Variants in ZNF157 observed in about 807,000 individuals in gnomAD.
The protein encoded by ZNF157 is zinc finger protein 22.
ZNF157 carries 8 observed loss-of-function variants against 9.4 expected under a neutral mutation model. The observed-to-expected ratio is 0.85, with a 90% CI of 0.50 to 1.53. The LOEUF (loss-of-function observed/expected upper bound fraction) is 1.53, where lower values mean the gene tolerates loss of function less well. Among genes scored for constraint, ZNF157 ranks in the 40% most tolerant of loss-of-function variants. The pLI is 0.00. For missense variants in ZNF157, 316 were observed against 385.2 expected (o/e 0.82, Z 1.50); for synonymous variants, 120 against 130.8 (o/e 0.92, Z 0.56).
At chrX:47,377,103 C>G (rs911765180) in intron 1 of ZNF157, among the ~76,000 whole-genome samples, 3 of 110,851 alleles carry the variant, frequency 2.7e-5, no homozygotes, top group Admixed American at 9.7e-5. Context: ...GATAAATTGG[C>G]TCATCTGATC....
chrX:47,392,689 T>A (rs1175975750), intron 1 of ZNF157, among the ~76,000 whole-genome samples: 2 of 111,913 alleles, frequency 1.8e-5, no homozygotes, highest in African/African-American at 6.5e-5. Context: ...TGCCTGTGGA[T>A]CTGTGAAACT....
chrX:47,405,591 G>T (rs188944393), intron 1 of ZNF157, among the ~76,000 whole-genome samples: 1 of 111,661 alleles, frequency 9.0e-6, no homozygotes, highest in East Asian at 2.8e-4. Flanking sequence ...CCTTTTGCAT[G>T]ACTGTGTTTT....
In ZNF157 at chrX:47,410,419, G is replaced by A. The variant is rs760262737; in HGVS notation, c.199+17G>A. 23 of 1,208,427 alleles carry A rather than the reference G, an allele frequency of 1.9e-5. No homozygotes were observed. Among genetic ancestry groups the A allele is most frequent in the East Asian group, 5.9e-5 (2 of 33,790 alleles). On this transcript the variant is annotated intron_variant, in intron 2 of 3. Coordinates refer to ENST00000377073, the MANE Select transcript of ZNF157 (RefSeq NM_003446.4). ...CATCTGTGGGTGAGGATGATTGTCCGTGTAACTCCTGAGAGCGTGTGTTTC... is the reference window on the plus strand; with the variant it reads ...CATCTGTGGGTGAGGATGATTGTCCATGTAACTCCTGAGAGCGTGTGTTTC...
chrX:47,380,279 A>C (rs1221948956), intron 1 of ZNF157, among the ~76,000 whole-genome samples: 1 of 110,868 alleles, frequency 9.0e-6, no homozygotes, highest in Non-Finnish European at 1.9e-5. Flanking sequence ...AAAGTTTATT[A>C]AAAAGCTTTA....
intron 1 of ZNF157, among the ~76,000 whole-genome samples, chrX:47,383,371 C>CAAA (rs35133137): frequency 0.14 from 2,644 of 18,806 alleles, 650 homozygotes; most frequent in Non-Finnish European, 0.32. Context: ...GACTCAGTCT[C>CAAA]AAAAAAAAAA....
intron 1 of ZNF157, among the ~76,000 whole-genome samples, chrX:47,409,951 C>A (rs189833828): frequency 1.3e-4 from 14 of 111,914 alleles, no homozygotes; most frequent in African/African-American, 3.9e-4. Context: ...GCCCAGCCTC[C>A]TTCTTCATTT....
chrX:47,384,152 C>T (rs1424060214), intron 1 of ZNF157, among the ~76,000 whole-genome samples: 1 of 110,086 alleles, frequency 9.1e-6, no homozygotes, highest in Non-Finnish European at 1.9e-5. Context: ...GTGACATGTG[C>T]CTGTACTCCC....
intron 1 of ZNF157, among the ~76,000 whole-genome samples, chrX:47,389,677 G>T: frequency 9.0e-6 from 1 of 111,605 alleles, no homozygotes; most frequent in South Asian, 3.7e-4. Context: ...GAGGTGGGTG[G>T]ATCACTTGAG....
intron 1 of ZNF157, among the ~76,000 whole-genome samples, chrX:47,380,448 G>T (rs1460996862): frequency 9.0e-6 from 1 of 111,662 alleles, no homozygotes; most frequent in Non-Finnish European, 1.9e-5. Context: ...GTCCGCATGT[G>T]CTGTGGCTTG....
chrX:47,374,172 A>G (rs954161988), intron 1 of ZNF157, among the ~76,000 whole-genome samples: 7 of 110,492 alleles, frequency 6.3e-5, no homozygotes, highest in African/African-American at 9.9e-5. Flanking sequence ...ATAGTGTCAG[A>G]ATGGAATTGA....
intron 1 of ZNF157, among the ~76,000 whole-genome samples, chrX:47,386,908 A>G (rs1189401965): frequency 8.9e-6 from 1 of 112,066 alleles, no homozygotes; most frequent in Non-Finnish European, 1.9e-5. Flanking sequence ...TTTAGAAAGT[A>G]GGCATGCCTG....
intron 1 of ZNF157, among the ~76,000 whole-genome samples, chrX:47,379,704 A>G (rs1408231313): frequency 3.0e-5 from 3 of 99,976 alleles, no homozygotes; most frequent in Non-Finnish European, 4.0e-5. Flanking sequence ...TGTGAAACAT[A>G]TAAGGACTGT....
At chrX:47,407,201 G>A (rs1273300910) in intron 1 of ZNF157, among the ~76,000 whole-genome samples, 1 of 112,250 alleles carries the variant, frequency 8.9e-6, no homozygotes, top group African/African-American at 3.2e-5. Context: ...AACACCAACT[G>A]ATCATGCTAT....
chrX:47,412,549 A>G lies in ZNF157; in HGVS notation c.476A>G (p.Asp159Gly). 8.2e-7 allele frequency: 1 copy of G among 1,212,239 alleles called. No homozygotes were observed. Among genetic ancestry groups the G allele is most frequent in the East Asian group, 3.0e-5 (1 of 33,871 alleles). ...AGACGTAAAAGAACACCCAGAGGAG[A>G]TAAAAACTTTGAATGTCATGAATGT... ...FVRRKRTPRG[D>G]KNFECHECGK... is the part of the protein sequence containing the mutation. Residue 159 changes from aspartate (D) to glycine (G), a missense_variant, in exon 4 of 4, where the codon GAT becomes GGT. This residue lies in a region of ZNF157 where 146 missense variants were observed against 183.8 expected (regional missense o/e 0.79). Transcript: ENST00000377073.
chrX:47,373,353 G>T (rs1434368129), intron 1 of ZNF157, among the ~76,000 whole-genome samples: 2 of 111,562 alleles, frequency 1.8e-5, no homozygotes, highest in African/African-American at 6.5e-5. Flanking sequence ...GAGAAAGGAG[G>T]AAAATACATT....
intron 1 of ZNF157, among the ~76,000 whole-genome samples, chrX:47,384,614 A>G (rs149524739): frequency 8.9e-6 from 1 of 112,473 alleles, no homozygotes; most frequent in Non-Finnish European, 1.9e-5. Flanking sequence ...CACGAAGTAT[A>G]CAATAGAACC....
At chrX:47,406,169 A>G (rs9698849) in intron 1 of ZNF157, among the ~76,000 whole-genome samples, 6,803 of 109,653 alleles carry the variant, frequency 0.062, 526 homozygotes, top group African/African-American at 0.21. Flanking sequence ...GCCTCAAGCA[A>G]TCCTCCCACA....
At chrX:47,403,630 G>A (rs970670741) in intron 1 of ZNF157, among the ~76,000 whole-genome samples, 2 of 110,666 alleles carry the variant, frequency 1.8e-5, no homozygotes, top group African/African-American at 6.6e-5. Flanking sequence ...TACCTCACCT[G>A]ACCAAGATAT....
intron 1 of ZNF157, among the ~76,000 whole-genome samples, chrX:47,384,606 C>T (rs1457384160): frequency 3.6e-5 from 4 of 112,247 alleles, no homozygotes; most frequent in Non-Finnish European, 7.5e-5. Flanking sequence ...CCGAAGCCCA[C>T]GAAGTATACA....
Sources: allele counts gnomAD v4.1 joint callset (sites outside exome capture counted in the v4.1 genomes callset), GRCh38; gene constraint gnomAD v4.1.1; regional missense constraint gnomAD v4.1.1; transcripts MANE v1.5; gene names NCBI Gene and HGNC (gene_info 2026-07-23, HGNC 2026-07-21).